TLN2: variants seen among roughly 807,000 people sequenced by gnomAD.
TLN2 encodes talin 2, also known as talin-2.
TLN2 carries 118 observed loss-of-function variants against 294.7 expected under a neutral mutation model. That is an observed-to-expected ratio of 0.40 (90% CI 0.34 to 0.47). TLN2 has a LOEUF of 0.47. Ranked by LOEUF, TLN2 falls within the 20% of genes least tolerant of loss-of-function variation. The probability of loss-of-function intolerance (pLI) is 0.84; values close to 1 mark genes in which losing one functional copy is unlikely to be tolerated. For synonymous variants in TLN2, 1,431 were observed against 1,304.5 expected (o/e 1.10, Z -2.09); for missense variants, 3,083 against 3,282.2 (o/e 0.94, Z 1.48).
chr15:62,690,780 G>A (rs2141060147), intron 12 of TLN2, among the ~76,000 whole-genome samples: 1 of 151,296 alleles, frequency 6.6e-6, no homozygotes, highest in African/African-American at 2.5e-5. Flanking sequence ...GGAGGCCGAG[G>A]CTGGCGGATC....
In TLN2 at chr15:62,840,855, GGA is replaced by G. The variant is rs773090601; in HGVS notation, c.*251_*252del. ...TCCCCTCATGCCTCACCGTGTCTCA[GGA>G]GAGAGGGGTGCACGTTTCATGGACT... is the stretch of plus-strand genomic sequence containing the variant. On this transcript the variant is annotated 3_prime_UTR_variant, in exon 59 of 59. Transcript: ENST00000636159. 1.4e-4 allele frequency: 64 copies of G among 471,984 alleles called. No homozygotes were observed. Among genetic ancestry groups the G allele is most frequent in the African/African-American group, 5.4e-4 (28 of 51,590 alleles). The allele number at this position is 471,984 out of a possible 1,614,324, so 29.2% of individuals were successfully genotyped here. A position where few individuals can be genotyped will look rare whatever the true frequency, so the allele number is the denominator to read the frequency against.
At chr15:62,790,851 C>T (rs932011653) in intron 45 of TLN2, among the ~76,000 whole-genome samples, 48 of 152,230 alleles carry the variant, frequency 3.2e-4, no homozygotes, top group African/African-American at 9.9e-4. Context: ...CCCGCCTCAG[C>T]GGCAGCCATA....
intron 32 of TLN2, among the ~76,000 whole-genome samples, chr15:62,745,852 A>G (rs916162568): frequency 2.6e-5 from 4 of 152,212 alleles, no homozygotes; most frequent in African/African-American, 9.6e-5. Flanking sequence ...TGTAATCCCG[A>G]CTGTAAAATT....
chr15:62,529,965 G>A (rs1596027852), intron 1 of TLN2, among the ~76,000 whole-genome samples: 1 of 152,180 alleles, frequency 6.6e-6, no homozygotes, highest in African/African-American at 2.4e-5. Context: ...GCTAAGGGGG[G>A]CGGATCACCT....
chr15:62,538,099 G>A (rs555597101), intron 1 of TLN2, among the ~76,000 whole-genome samples: 9 of 152,254 alleles, frequency 5.9e-5, no homozygotes, highest in African/African-American at 2.2e-4. Context: ...ATGGGCGCCT[G>A]TAACTCCAGC....
Position 62,805,667 on chromosome 15 carries a change from G to A in TLN2, c.6545G>A (p.Gly2182Asp). The A allele has an allele frequency of 2.5e-6, 4 of 1,614,066 alleles. No individual in the cohort carries two copies. Among genetic ancestry groups the A allele is most frequent in the Admixed American group, 1.7e-5 (1 of 60,006 alleles). The part of the protein sequence containing the change: ...SPEESIRMTK[G>D]ITMATAKAVA... ...GAAGAATCCATAAGGATGACGAAAG[G>A]CATCACCATGGCAACAGCCAAAGCC... Residue 2182 changes from glycine (G) to aspartate (D), a missense_variant, in exon 51 of 59, where the codon GGC becomes GAC. Physicochemically the swap from Gly to Asp is moderately conservative, Grantham distance 94. Coordinates refer to ENST00000636159, the MANE Select transcript of TLN2 (RefSeq NM_015059.3).
intron 1 of TLN2, among the ~76,000 whole-genome samples, chr15:62,555,718 G>A (rs1037615675): frequency 6.6e-6 from 1 of 151,976 alleles, no homozygotes; most frequent in African/African-American, 2.4e-5. Flanking sequence ...TACTTTTCCC[G>A]GTATAATGTG....
chr15:62,402,425 G>A (rs952423841), intron 1 of TLN2, among the ~76,000 whole-genome samples: 2 of 152,090 alleles, frequency 1.3e-5, no homozygotes, highest in Non-Finnish European at 2.9e-5. Context: ...CTGACCTGGT[G>A]GCCCTTTCTT....
At chr15:62,486,825 T>A (rs1206187907) in intron 1 of TLN2, among the ~76,000 whole-genome samples, 1 of 151,160 alleles carries the variant, frequency 6.6e-6, no homozygotes, top group Non-Finnish European at 1.5e-5. Context: ...TTTTTTTTTT[T>A]AATGTATATT....
Position 62,499,442 on chromosome 15 carries a change from C to T in TLN2, c.-237-90245C>T, listed in dbSNP as rs2039189761. On this transcript the variant is annotated intron_variant, in intron 1 of 58. Transcript: ENST00000636159. ...TTCAGCCTGGGTTACACAGTGTCTCCAAAAAAATAAAATAAATAGAGAAAT... is the reference window on the plus strand; with the variant it reads ...TTCAGCCTGGGTTACACAGTGTCTCTAAAAAAATAAAATAAATAGAGAAAT... Among the ~76,000 whole-genome samples, 2 of 151,866 alleles carry T rather than the reference C, an allele frequency of 1.3e-5. 1 individual carries two copies. Among genetic ancestry groups the T allele is most frequent in the Non-Finnish European group, 2.9e-5 (2 of 67,978 alleles).
chr15:62,504,846 TGAGA>T (rs56056575), intron 1 of TLN2, among the ~76,000 whole-genome samples: 17,851 of 144,072 alleles, frequency 0.12, 1,192 homozygotes, highest in African/African-American at 0.16. Flanking sequence ...TGTGTGTGTG[TGAGA>T]GAGAGAGAGA....
In TLN2 at chr15:62,707,191, A is replaced by T; in HGVS notation, c.2110A>T (p.Arg704Trp). ...QVAEDTVLQN[R>W]VIAAATQCAL... Reference sequence around the variant, plus strand: ...GGCCGAAGACACTGTCCTACAGAACAGGGTAATTGCTGCTGCCACCCAGTG... The same window carrying T: ...GGCCGAAGACACTGTCCTACAGAACTGGGTAATTGCTGCTGCCACCCAGTG... Residue 704 changes from arginine (R) to tryptophan (W), a missense_variant, in exon 20 of 59, where the codon AGG becomes TGG. Transcript: ENST00000636159. The T allele has an allele frequency of 6.2e-7, 1 of 1,614,160 alleles. No homozygotes were observed. Among genetic ancestry groups the T allele is most frequent in the Non-Finnish European group, 8.5e-7 (1 of 1,180,008 alleles).
intron 1 of TLN2, among the ~76,000 whole-genome samples, chr15:62,506,305 C>T (rs1347904474): frequency 6.6e-6 from 1 of 152,182 alleles, no homozygotes; most frequent in East Asian, 1.9e-4. Flanking sequence ...CTCTGGGAAA[C>T]TGGACTGGGT....
At chr15:62,429,409 G>C (rs988369433) in intron 1 of TLN2, among the ~76,000 whole-genome samples, 1 of 152,240 alleles carries the variant, frequency 6.6e-6, no homozygotes, top group Non-Finnish European at 1.5e-5. Context: ...TGTTAAGATC[G>C]TGTCTAGCCA....
rs753086307 is a variant in TLN2, at chr15:62,781,252, A to C, written c.5616+11A>C. ...ACAGCTCAGGAAATGGTAAGAGGGA[A>C]GAGAGCTGCCCTCCCCACTGTTGTT... On this transcript the variant is annotated intron_variant, in intron 44 of 58. Transcript: ENST00000636159. 5.0e-6 allele frequency: 8 copies of C among 1,604,846 alleles called. No homozygotes were observed. The African/African-American group carries it at 1.1e-4, about 21-fold the overall frequency.
intron 28 of TLN2, among the ~76,000 whole-genome samples, chr15:62,735,263 G>A (rs138368893): frequency 4.6e-5 from 7 of 152,178 alleles, no homozygotes; most frequent in Admixed American, 4.6e-4. Flanking sequence ...ATGTGTCCTG[G>A]CATCTCCAGT....
At chr15:62,431,294 TAAAA>T (rs1323140790) in intron 1 of TLN2, among the ~76,000 whole-genome samples, 1 of 151,994 alleles carries the variant, frequency 6.6e-6, no homozygotes, top group Admixed American at 6.6e-5. Flanking sequence ...AAGTGAACAT[TAAAA>T]AAAGACCTAG....
chr15:62,588,665 C>CATATACATATAT (rs1491268174), intron 1 of TLN2, among the ~76,000 whole-genome samples: 1 of 71,444 alleles, frequency 1.4e-5, no homozygotes, highest in Non-Finnish European at 2.8e-5. Flanking sequence ...ACATTTTTTT[C>CATATACATATAT]ATATATATAT....
intron 12 of TLN2, among the ~76,000 whole-genome samples, chr15:62,691,367 CTA>C: frequency 6.6e-6 from 1 of 152,266 alleles, no homozygotes; most frequent in Admixed American, 6.5e-5. Flanking sequence ...TATCTCCACA[CTA>C]CTATTTAGTC....
Sources: allele counts gnomAD v4.1 joint callset (sites outside exome capture counted in the v4.1 genomes callset), GRCh38; gene constraint gnomAD v4.1.1; transcripts MANE v1.5; gene names NCBI Gene and HGNC (gene_info 2026-07-23, HGNC 2026-07-21).